The following TAF1D variants were observed in gnomAD, a reference collection of about 807,000 sequenced individuals.
The protein encoded by TAF1D is TATA box-binding protein-associated factor RNA polymerase I subunit D.
TAF1D carries 23 observed loss-of-function variants against 26.2 expected under a neutral mutation model. That is an observed-to-expected ratio of 0.88 (90% CI 0.63 to 1.25). The LOEUF is 1.25. Ranked by LOEUF, TAF1D falls within the 50% of genes most tolerant of loss-of-function variation. TAF1D has a pLI of 0.00. For missense variants in TAF1D, 299 were observed against 322.0 expected, an observed-to-expected ratio of 0.93 and a Z score of 0.55; for synonymous variants, 100 against 105.6, an observed-to-expected ratio of 0.95 and a Z score of 0.33.
At chr11:93,736,558 T>C (rs889325951) in intron 5 of TAF1D, 136 bp downstream of exon 5, 46 of 1,425,606 alleles carry the variant, frequency 3.2e-5, no homozygotes, top group Non-Finnish European at 3.8e-5. Context: ...ATTTTCCTTC[T>C]TGCATTTCCT....
downstream of TAF1D, chr11:93,731,836 GA>G: frequency 2.8e-6 from 1 of 351,908 alleles, no homozygotes. Context: ...GTTACATTTT[GA>G]CACCTGATCC....
downstream of TAF1D, chr11:93,734,781 CTTT>C (rs751356083): frequency 8.0e-7 from 1 of 1,255,156 alleles, no homozygotes; most frequent in Non-Finnish European, 1.0e-6. Context: ...TGGAATCAAC[CTTT>C]TTTTCTTAAG....
intron 5 of TAF1D, 28 bp downstream of exon 5, chr11:93,736,666 T>C (rs1233414192): frequency 2.5e-6 from 4 of 1,606,966 alleles, no homozygotes; most frequent in East Asian, 2.2e-5. Flanking sequence ...CTTCCCAAAA[T>C]GGAATAGGAA....
At chr11:93,739,384 T>G in intron 1 of TAF1D, 53 bp from the exon 2 acceptor site, 3 of 1,236,966 alleles carry the variant, frequency 2.4e-6, no homozygotes, top group Non-Finnish European at 3.5e-6. Flanking sequence ...ATATTGACAG[T>G]ATCTACTACA....
downstream of TAF1D, chr11:93,735,085 C>T: frequency 1.5e-6 from 2 of 1,318,130 alleles, no homozygotes; most frequent in South Asian, 1.2e-5. Context: ...TCAATACTCC[C>T]ATCAATCAAC....
At chr11:93,740,148 A>G (rs1461815241) in intron 1 of TAF1D, among the ~76,000 whole-genome samples, 1 of 151,914 alleles carries the variant, frequency 6.6e-6, no homozygotes, top group Non-Finnish European at 1.5e-5. Context: ...GTCTCTACAA[A>G]AAATACGGAA....
At chr11:93,732,415 G>C (rs1277079104), downstream of TAF1D, 1 of 519,024 alleles carries the variant, frequency 1.9e-6, no homozygotes, top group Non-Finnish European at 3.8e-6. Context: ...GAAAACCAAC[G>C]ATGCCAGATA....
At chr11:93,733,268 C>G (rs763596667), downstream of TAF1D, 2 of 519,144 alleles carry the variant, frequency 3.9e-6, no homozygotes, top group East Asian at 1.1e-4. Flanking sequence ...CGTTATCATT[C>G]AGCAGTTGAA....
rs1306370159 is a variant in TAF1D at position 93,735,678 on chromosome 11, G to A, written c.*483C>T. 6.8e-5 allele frequency: 68 copies of A among 1,004,574 alleles called. No individual in the cohort carries two copies. The highest frequency in any genetic ancestry group is 8.0e-5 in the Non-Finnish European group (67 of 841,688). 62.2% of individuals were successfully genotyped at this position (1,004,574 alleles called of 1,614,324 possible). ...ATCGAGACTCTGTCTAAAAAAAATA[G>A]TATTAAAGATACTCTAAATTTGGAA... is the stretch of plus-strand genomic sequence containing the variant. On this transcript the variant is annotated 3_prime_UTR_variant, in exon 6 of 6. Coordinates refer to ENST00000448108, the MANE Select transcript of TAF1D (RefSeq NM_024116.4).
chr11:93,736,533 A>C lies in TAF1D; in HGVS notation c.693+161T>G, dbSNP rs775163230. Reference sequence around the variant, plus strand: ...ACTGAAAACCCCATGTTCTTTATCAAGTCTCTAAAAAATTATTTTCCTTCT... The same window carrying C: ...ACTGAAAACCCCATGTTCTTTATCACGTCTCTAAAAAATTATTTTCCTTCT... On this transcript the variant is annotated intron_variant, in intron 5 of 5. Coordinates refer to ENST00000448108, the MANE Select transcript of TAF1D (RefSeq NM_024116.4). The C allele has an allele frequency of 4.3e-4, 606 of 1,423,906 alleles. 5 individuals carry two copies. Among genetic ancestry groups the C allele is most frequent in the Non-Finnish European group, 9.8e-5 (107 of 1,091,906 alleles). The allele number at this position is 1,423,906 out of a possible 1,614,324, so 88.2% of individuals were successfully genotyped here. A position where few individuals can be genotyped will look rare whatever the true frequency, so the allele number is the denominator to read the frequency against.
rs1017257106 is a variant in TAF1D at position 93,735,878 on chromosome 11, C to A, written c.*283G>T. ...CACTACATTTCATTGTTTCAATACT[C>A]ACAGGACACCTGTAAGCTCTTATTC... On this transcript the variant is annotated 3_prime_UTR_variant, in exon 6 of 6. Coordinates refer to ENST00000448108, the MANE Select transcript of TAF1D (RefSeq NM_024116.4). The A allele has an allele frequency of 3.4e-5, 39 of 1,161,460 alleles. No individual in the cohort carries two copies. Among genetic ancestry groups the A allele is most frequent in the Non-Finnish European group, 4.1e-5 (39 of 941,464 alleles). The allele number at this position is 1,161,460 out of a possible 1,614,324, so 71.9% of individuals were successfully genotyped here.
Position 93,737,223 on chromosome 11 carries a change from C to T in TAF1D, c.476G>A (p.Gly159Glu). ...ILTFEQAVAR[G>E]FFNYIEKLKY... ...CAGTTTTTCAATATAGTTAAAAAAT[C>T]CTCTTGCAACAGCTTGCTATATATT... Residue 159 changes from glycine (G) to glutamate (E), a missense_variant, in exon 4 of 6, where the codon GGA becomes GAA. Physicochemically the swap from Gly to Glu is moderately conservative, Grantham distance 98 (BLOSUM62 -2). Coordinates refer to ENST00000448108, the MANE Select transcript of TAF1D (RefSeq NM_024116.4). 6.2e-7 allele frequency: 1 copy of T among 1,601,692 alleles called. No individual in the cohort carries two copies. Among genetic ancestry groups the T allele is most frequent in the Non-Finnish European group, 8.5e-7 (1 of 1,175,190 alleles).
chr11:93,735,925 C>T lies in TAF1D; in HGVS notation c.*236G>A. ...ATTCAGAAATCAAATGACAATTTCT[C>T]AAATTTTTCTATGTATTTTCTCTGG... On this transcript the variant is annotated 3_prime_UTR_variant, in exon 6 of 6. Transcript: ENST00000448108. 1 of 1,275,524 alleles carries T rather than the reference C, an allele frequency of 7.8e-7. No homozygotes were observed. The highest frequency in any genetic ancestry group is 9.9e-7 in the Non-Finnish European group (1 of 1,012,466). The allele number at this position is 1,275,524 out of a possible 1,614,324, so 79.0% of individuals were successfully genotyped here. A position where few individuals can be genotyped will look rare whatever the true frequency, so the allele number is the denominator to read the frequency against.
chr11:93,733,065 A>T (rs1346254020), downstream of TAF1D: 2 of 339,720 alleles, frequency 5.9e-6, no homozygotes, highest in Admixed American at 8.3e-5. Flanking sequence ...CTTGATTATT[A>T]TAAGTTAAAT....
In TAF1D at chr11:93,741,419, T is replaced by A. The variant is rs1383568527; in HGVS notation, c.-125A>T. 4 of 455,514 alleles carry A rather than the reference T, an allele frequency of 8.8e-6. No homozygotes were observed. The highest frequency in any genetic ancestry group is 7.1e-5 in the Admixed American group (3 of 42,524). The allele number at this position is 455,514 out of a possible 1,614,324, so 28.2% of individuals were successfully genotyped here. On this transcript the variant is annotated 5_prime_UTR_variant, in exon 1 of 6. Coordinates refer to ENST00000448108, the MANE Select transcript of TAF1D (RefSeq NM_024116.4). ...ACTGGCCTGGTGTCCTAGAGCTCTG[T>A]ACACACCACCCTCCCGACCTCAGCC...
chr11:93,739,182 A>G, intron 2 of TAF1D, 55 bp downstream of exon 2: 2 of 1,369,836 alleles, frequency 1.5e-6, no homozygotes, highest in Non-Finnish European at 2.0e-6. Flanking sequence ...GTCACTCATT[A>G]TATACAATAG....
intron 1 of TAF1D, among the ~76,000 whole-genome samples, chr11:93,740,886 G>A (rs1451948043): frequency 1.3e-5 from 2 of 152,168 alleles, no homozygotes; most frequent in Non-Finnish European, 2.9e-5. Flanking sequence ...GGGTGTCGAT[G>A]CCTCCGTGGG....
downstream of TAF1D, chr11:93,732,958 A>G (rs1939598320): frequency 3.2e-6 from 1 of 309,302 alleles, no homozygotes; most frequent in Non-Finnish European, 6.3e-6. Flanking sequence ...CTCTATACAA[A>G]TATATACATT....
chr11:93,732,340 A>C (rs766108075), downstream of TAF1D: 1 of 517,824 alleles, frequency 1.9e-6, no homozygotes, highest in South Asian at 1.4e-5. Flanking sequence ...CAAACTGAAC[A>C]CTCTGAGAAA....
Sources: allele counts gnomAD v4.1 joint callset (sites outside exome capture counted in the v4.1 genomes callset), GRCh38; gene constraint gnomAD v4.1.1; transcripts MANE v1.5; gene names NCBI Gene and HGNC (gene_info 2026-07-23, HGNC 2026-07-21).